The following MINDY3 variants were observed in gnomAD, a reference collection of about 807,000 sequenced individuals.
The protein encoded by MINDY3 is MINDY lysine 48 deubiquitinase 3, also known as ubiquitin carboxyl-terminal hydrolase MINDY-3.
Under a neutral mutation model 69.2 loss-of-function variants are expected in MINDY3, and 38 were observed. That is an observed-to-expected ratio of 0.55 (90% CI 0.42 to 0.72). The LOEUF (loss-of-function observed/expected upper bound fraction) is 0.72, where lower values mean the gene tolerates loss of function less well. Ranked by LOEUF, MINDY3 falls within the 30% of genes least tolerant of loss-of-function variation. MINDY3 has a pLI of 0.00. For synonymous variants in MINDY3, 192 were observed against 180.1 expected, an observed-to-expected ratio of 1.07 and a Z score of -0.53; for missense variants, 522 against 519.0, an observed-to-expected ratio of 1.01 and a Z score of -0.06.
chr10:15,789,458 G>T, intron 11 of MINDY3, 139 bp from the exon 12 acceptor site: 1 of 586,194 alleles, frequency 1.7e-6, no homozygotes, highest in Non-Finnish European at 3.0e-6. Context: ...GTTTATTTTA[G>T]GCATAGTGCC....
At chr10:15,847,796 T>C (rs1028148960) in intron 2 of MINDY3, 68 bp downstream of exon 2, 8 of 1,126,414 alleles carry the variant, frequency 7.1e-6, no homozygotes, top group Middle Eastern at 3.9e-4. Context: ...GTACAGACAT[T>C]AGAAAACGAC....
chr10:15,859,033 T>A (rs1375030591), intron 1 of MINDY3, among the ~76,000 whole-genome samples: 1 of 152,158 alleles, frequency 6.6e-6, no homozygotes, highest in African/African-American at 2.4e-5. Flanking sequence ...TGGAATCCAC[T>A]CCCAGTTCTA....
chr10:15,787,358 A>G (rs112077063), intron 12 of MINDY3, among the ~76,000 whole-genome samples: 70 of 152,290 alleles, frequency 4.6e-4, no homozygotes, highest in Non-Finnish European at 8.5e-4. Context: ...CTGCAGTTTA[A>G]TGGGTTTAAA....
At chr10:15,807,094 G>A (rs1838687986) in intron 10 of MINDY3, among the ~76,000 whole-genome samples, 1 of 152,098 alleles carries the variant, frequency 6.6e-6, no homozygotes, top group Non-Finnish European at 1.5e-5. Context: ...AAAACGGCAC[G>A]CAGCTCACAG....
intron 8 of MINDY3, among the ~76,000 whole-genome samples, chr10:15,828,052 T>C (rs944441491): frequency 2.0e-5 from 3 of 152,154 alleles, no homozygotes; most frequent in Non-Finnish European, 4.4e-5. Flanking sequence ...TTAAACCTTA[T>C]GAGTTACCGT....
At chr10:15,852,265 G>A (rs1834356458) in intron 1 of MINDY3, among the ~76,000 whole-genome samples, 1 of 152,074 alleles carries the variant, frequency 6.6e-6, no homozygotes, top group African/African-American at 2.4e-5. Context: ...CTCAATTAAT[G>A]CTTGTTGATG....
At chr10:15,844,256 T>C (rs572441608) in intron 2 of MINDY3, among the ~76,000 whole-genome samples, 1 of 152,286 alleles carries the variant, frequency 6.6e-6, no homozygotes, top group South Asian at 2.1e-4. Context: ...AGTCTACAAA[T>C]ATGCTAATCA....
chr10:15,795,041 CA>C (rs1837707669), intron 11 of MINDY3, among the ~76,000 whole-genome samples: 1 of 151,874 alleles, frequency 6.6e-6, no homozygotes, highest in Admixed American at 6.6e-5. Context: ...ACTAGTAAAA[CA>C]AAACACAACA....
chr10:15,786,679 A>G (rs746799257), intron 12 of MINDY3, 31 bp from the exon 13 acceptor site: 4 of 1,275,922 alleles, frequency 3.1e-6, no homozygotes, highest in Non-Finnish European at 3.4e-6. Context: ...AACAGTGGAT[A>G]CCAGAGGAAA....
chr10:15,813,840 T>C (rs1839173042), intron 10 of MINDY3, among the ~76,000 whole-genome samples: 1 of 151,820 alleles, frequency 6.6e-6, no homozygotes, highest in Non-Finnish European at 1.5e-5. Flanking sequence ...AACAAAGAAG[T>C]CAGCACATGA....
intron 2 of MINDY3, among the ~76,000 whole-genome samples, chr10:15,844,509 A>G (rs1486037875): frequency 6.6e-6 from 1 of 152,168 alleles, no homozygotes; most frequent in Non-Finnish European, 1.5e-5. Context: ...CGTAAGCATA[A>G]TTCTTAATCA....
chr10:15,855,512 T>C (rs1289930911), intron 1 of MINDY3, among the ~76,000 whole-genome samples: 3 of 152,122 alleles, frequency 2.0e-5, no homozygotes, highest in African/African-American at 7.2e-5. Context: ...TAATCCTACG[T>C]AGACAATTTT....
intron 12 of MINDY3, 46 bp from the exon 13 acceptor site, chr10:15,786,694 AAAG>A: frequency 8.6e-7 from 1 of 1,161,004 alleles, no homozygotes; most frequent in Non-Finnish European, 1.3e-6. Context: ...AGGAAAAAAA[AAAG>A]CTGCTTTTCT....
In MINDY3 at chr10:15,789,435, T is replaced by C. The variant is rs997420412; in HGVS notation, c.956-116A>G. The C allele has an allele frequency of 9.0e-6, 6 of 666,446 alleles. No individual in the cohort carries two copies. In the African/African-American group the frequency reaches 1.1e-4, roughly 12 times the overall value. The allele number at this position is 666,446 out of a possible 1,614,324, so 41.3% of individuals were successfully genotyped here. The stretch of plus-strand genomic sequence containing the variant: ...GCATAAAAAATACAAAGAGTTAACA[T>C]ACTATTCCTTAAGTTTATTTTAGGC... On this transcript the variant is annotated intron_variant, in intron 11 of 14. Coordinates refer to ENST00000277632, the MANE Select transcript of MINDY3 (RefSeq NM_024948.4).
In MINDY3 at chr10:15,838,094, A is replaced by G. The variant is rs1002237778; in HGVS notation, c.461+134T>C. The G allele has an allele frequency of 1.9e-5, 24 of 1,285,214 alleles. No homozygotes were observed. In the African/African-American group the frequency reaches 2.8e-4, roughly 15 times the overall value. 79.6% of individuals were successfully genotyped at this position (1,285,214 alleles called of 1,614,324 possible). A position where few individuals can be genotyped will look rare whatever the true frequency, so the allele number is the denominator to read the frequency against. The stretch of plus-strand genomic sequence containing the variant: ...TTAATTTAAAGGCAAATTAATCCTG[A>G]AGCAATGGATTTAAAATTTATGTTT... On this transcript the variant is annotated intron_variant, in intron 5 of 14. Transcript: ENST00000277632.
intron 2 of MINDY3, among the ~76,000 whole-genome samples, chr10:15,846,725 A>ATTT (rs11455489): frequency 1.5e-3 from 208 of 141,654 alleles, no homozygotes; most frequent in Non-Finnish European, 2.1e-3. Context: ...TTAGGAATGC[A>ATTT]TTTTTTTTTT....
intron 1 of MINDY3, among the ~76,000 whole-genome samples, chr10:15,850,736 T>TG (rs1369734697): frequency 2.6e-5 from 4 of 152,172 alleles, no homozygotes; most frequent in Non-Finnish European, 4.4e-5. Flanking sequence ...CCTGGTCCTG[T>TG]GATCTCACTC....
chr10:15,847,792 A>T lies in MINDY3; in HGVS notation c.174+72T>A, dbSNP rs893331331. ...CTCATAATTACTATATGGAGTACAG[A>T]CATTAGAAAACGACAAGTATGAAAC... On this transcript the variant is annotated intron_variant, in intron 2 of 14. Transcript: ENST00000277632. 4 of 1,036,458 alleles carry T rather than the reference A, an allele frequency of 3.9e-6. No individual in the cohort carries two copies. In the African/African-American group the frequency reaches 4.7e-5, roughly 12 times the overall value. 64.2% of individuals were successfully genotyped at this position (1,036,458 alleles called of 1,614,324 possible). A position where few individuals can be genotyped will look rare whatever the true frequency, so the allele number is the denominator to read the frequency against.
intron 8 of MINDY3, among the ~76,000 whole-genome samples, chr10:15,832,024 A>G (rs960713112): frequency 6.6e-6 from 1 of 152,148 alleles, no homozygotes. Context: ...AGTCCTGCCA[A>G]TGAAAGTTAT....
Sources: gnomAD v4.1 joint callset for allele counts (sites outside exome capture counted in the v4.1 genomes callset) on GRCh38, gnomAD v4.1.1 for gene constraint, MANE v1.5 for transcripts, NCBI Gene and HGNC (gene_info 2026-07-23, HGNC 2026-07-21) for gene names.